Variants in EPB41L1 observed in about 807,000 individuals in gnomAD.
EPB41L1 encodes erythrocyte membrane protein band 4.1 like 1.
A neutral mutation model predicts 97.8 loss-of-function variants in EPB41L1; 29 were observed. The ratio of observed to expected loss-of-function variants is 0.30; its 90% CI spans 0.22 to 0.40. The LOEUF (loss-of-function observed/expected upper bound fraction) is 0.40. EPB41L1 is among the 10% of genes least tolerant of loss of function. EPB41L1 has a pLI of 1.00. For synonymous variants in EPB41L1, 383 were observed against 459.2 expected, an observed-to-expected ratio of 0.83 and a Z score of 2.12; for missense variants, 812 against 1,162.3, an observed-to-expected ratio of 0.70 and a Z score of 4.38.
intron 2 of EPB41L1, among the ~76,000 whole-genome samples, chr20:36,148,015 G>A (rs958046714): frequency 1.3e-5 from 2 of 152,102 alleles, no homozygotes; most frequent in Admixed American, 6.5e-5. Flanking sequence ...AAACATAGCC[G>A]AGGTGGAGAT....
In EPB41L1 at chr20:36,093,828, G is replaced by A. The variant is rs544360851; in HGVS notation, c.-65+2216G>A. Reference sequence around the variant, plus strand: ...GATTCATTTCCTGTTGTGGCCAGGGGACATGTCCCCTCCGGCCTCCCCCCA... The same window carrying A: ...GATTCATTTCCTGTTGTGGCCAGGGAACATGTCCCCTCCGGCCTCCCCCCA... On this transcript the variant is annotated intron_variant, in intron 1 of 19. Transcript: ENST00000202028. The surrounding 1 kb of genome is among the most constrained non-coding windows in gnomAD (Gnocchi z 5.4). Among the ~76,000 whole-genome samples, 1 of 152,124 alleles carries A rather than the reference G, an allele frequency of 6.6e-6. No individual in the cohort carries two copies. The highest frequency in any genetic ancestry group is 2.4e-5 in the African/African-American group (1 of 41,518).
chr20:36,221,969 C>T (rs779052658), intron 20 of EPB41L1, 25 bp downstream of exon 20: 1 of 1,610,708 alleles, frequency 6.2e-7, no homozygotes, highest in South Asian at 1.1e-5. Context: ...ACCGTTCTTC[C>T]CAGTGCCACT....
intron 1 of EPB41L1, among the ~76,000 whole-genome samples, chr20:36,159,647 T>A (rs1303796174): frequency 6.6e-6 from 1 of 152,206 alleles, no homozygotes; most frequent in African/African-American, 2.4e-5. Context: ...AGTGAACTAA[T>A]CAAGAGGGGA....
At position 36,209,399 on chromosome 20, in the gene EPB41L1, G is replaced by A; in HGVS notation, c.1669-89G>A. On this transcript the variant is annotated intron_variant, in intron 14 of 21. Transcript: ENST00000338074. The surrounding 1 kb of genome is among the most constrained non-coding windows in gnomAD (Gnocchi z 4.2). ...ATTCAGGATGTCGACACAGCCCCGA[G>A]ATTTCTCCTGACATTCACCATCTTG... The A allele has an allele frequency of 3.4e-6, 5 of 1,455,198 alleles. No individual in the cohort carries two copies. The highest frequency in any genetic ancestry group is 1.8e-4 in the Middle Eastern group (1 of 5,556). The allele number at this position is 1,455,198 out of a possible 1,614,324, so 90.1% of individuals were successfully genotyped here.
In EPB41L1 at chr20:36,207,906, T is replaced by A; in HGVS notation, c.1669-1582T>A. The A allele has an allele frequency of 9.4e-7, 1 of 1,066,258 alleles. No homozygotes were observed. The highest frequency in any genetic ancestry group is 1.6e-5 in the South Asian group (1 of 63,114). The allele number at this position is 1,066,258 out of a possible 1,614,324, so 66.0% of individuals were successfully genotyped here. ...GTCATTTCTGCAATCAGAGGCTGCT[T>A]ATCCATCCCTGTGAGTTTTTTCCCT... On this transcript the variant is annotated intron_variant, in intron 14 of 21. Transcript: ENST00000338074. This position sits in a 1 kb window ranked among gnomAD's most constrained non-coding sequence, Gnocchi z 4.9.
chr20:36,190,478 C>T lies in EPB41L1; in HGVS notation c.1124+104C>T. ...GAGAACTCTAGGAAAGTCCTCCACC[C>T]TTTCCCCAAGTCCCTCCCTTCCTGG... On this transcript the variant is annotated intron_variant, in intron 10 of 21. Coordinates refer to ENST00000338074, the MANE Select transcript of EPB41L1 (RefSeq NM_012156.2). The surrounding 1 kb of genome is among the most constrained non-coding windows in gnomAD (Gnocchi z 5.8). 4 of 1,525,966 alleles carry T rather than the reference C, an allele frequency of 2.6e-6. No individual in the cohort carries two copies. The highest frequency in any genetic ancestry group is 2.7e-6 in the Non-Finnish European group (3 of 1,113,344). The allele number at this position is 1,525,966 out of a possible 1,614,324, so 94.5% of individuals were successfully genotyped here.
Position 36,209,693 on chromosome 20 carries a change from T to G in EPB41L1, c.1874T>G (p.Ile625Ser). Residue 625 changes from isoleucine to serine, a missense_variant, in exon 15 of 22, where the codon ATT becomes AGT. By Grantham distance (142) the Ile-to-Ser change is moderately radical. Transcript: ENST00000338074. The surrounding 1 kb of genome is among the most constrained non-coding windows in gnomAD (Gnocchi z 4.2). ...GAGGCTGAGGTGGACTTCACGGTCA[T>G]TGGTGACTACCATGGCAGCGCCTTC... Reference protein sequence around the residue: ...SLEAEVDFTVIGDYHGSAFED... With the variant: ...SLEAEVDFTVSGDYHGSAFED... 6.2e-7 allele frequency: 1 copy of G among 1,614,180 alleles called. No homozygotes were observed. Among genetic ancestry groups the G allele is most frequent in the Non-Finnish European group, 8.5e-7 (1 of 1,180,022 alleles).
intron 2 of EPB41L1, among the ~76,000 whole-genome samples, chr20:36,139,243 G>A (rs1397660200): frequency 6.6e-6 from 1 of 152,178 alleles, no homozygotes; most frequent in Admixed American, 6.5e-5. Context: ...CAACAACAGA[G>A]GCAGAAAATT....
upstream of EPB41L1, chr20:36,152,266 G>A (rs2145442557): frequency 6.6e-6 from 1 of 152,344 alleles, no homozygotes; most frequent in South Asian, 2.1e-4. Context: ...CATTTTCTGT[G>A]TGGTCTCAAT....
At chr20:36,199,921 G>T (rs1224595701) in intron 14 of EPB41L1, among the ~76,000 whole-genome samples, 1 of 152,176 alleles carries the variant, frequency 6.6e-6, no homozygotes, top group East Asian at 1.9e-4. Flanking sequence ...TGCCCCACCT[G>T]CTGGTGATAG....
intron 17 of EPB41L1, among the ~76,000 whole-genome samples, chr20:36,216,137 T>C (rs1021211042): frequency 2.0e-5 from 3 of 152,080 alleles, no homozygotes; most frequent in Non-Finnish European, 4.4e-5. Flanking sequence ...CATGGGACAG[T>C]GTAATAATGC....
At chr20:36,105,158 A>G (rs898425961) in intron 1 of EPB41L1, among the ~76,000 whole-genome samples, 1 of 152,196 alleles carries the variant, frequency 6.6e-6, no homozygotes, top group Non-Finnish European at 1.5e-5. Flanking sequence ...CCAAGCAGCA[A>G]GAGACATGAC....
chr20:36,168,299 C>G lies in EPB41L1; in HGVS notation c.-14-5465C>G, dbSNP rs947129586. Among the ~76,000 whole-genome samples the G allele has an allele frequency of 2.6e-5, 4 of 152,256 alleles. 1 individual carries two copies. Among genetic ancestry groups the G allele is most frequent in the Non-Finnish European group, 5.9e-5 (4 of 68,048 alleles). Reference sequence around the variant, plus strand: ...GTACAGGCGCTGTCAGCATTTACTTCTCTGGCTGACCTTTCTCTTTTCTAA... The same window carrying G: ...GTACAGGCGCTGTCAGCATTTACTTGTCTGGCTGACCTTTCTCTTTTCTAA... On this transcript the variant is annotated intron_variant, in intron 1 of 21. Coordinates refer to ENST00000338074, the MANE Select transcript of EPB41L1 (RefSeq NM_012156.2).
At chr20:36,201,304 C>G (rs1569297743) in intron 14 of EPB41L1, among the ~76,000 whole-genome samples, 1 of 152,154 alleles carries the variant, frequency 6.6e-6, no homozygotes, top group Non-Finnish European at 1.5e-5. Context: ...CCTGGTGAGG[C>G]AGGTGACTCT....
At chr20:36,228,862 A>G (rs1162826393) in intron 21 of EPB41L1, among the ~76,000 whole-genome samples, 1 of 152,180 alleles carries the variant, frequency 6.6e-6, no homozygotes, top group African/African-American at 2.4e-5. Flanking sequence ...AGCTGACAAG[A>G]TAGGAAGAAA....
intron 1 of EPB41L1, among the ~76,000 whole-genome samples, chr20:36,160,507 C>T (rs1431587439): frequency 1.3e-5 from 2 of 151,910 alleles, no homozygotes; most frequent in African/African-American, 4.8e-5. Context: ...ATCTCTTGCA[C>T]CCGGAAGGCA....
chr20:36,101,404 T>C (rs1478499238), intron 1 of EPB41L1, among the ~76,000 whole-genome samples: 1 of 152,110 alleles, frequency 6.6e-6, no homozygotes, highest in South Asian at 2.1e-4. Context: ...AGTCAGCTTG[T>C]TGAGCCTCCA....
rs564311881 is a variant in EPB41L1, at chr20:36,158,111, A to G, written c.-15+3215A>G. Among the ~76,000 whole-genome samples, 138 of 152,268 alleles carry G rather than the reference A, an allele frequency of 9.1e-4. No homozygotes were observed. The South Asian group carries it at 0.014, about 16-fold the overall frequency. On this transcript the variant is annotated intron_variant, in intron 1 of 21. Transcript: ENST00000338074. ...AGATTGATGGAGCTGTGGCTTAGAT[A>G]GTTGTTCAAGGTCAAATAGCTAGGC...
chr20:36,145,253 T>C (rs1199981753), intron 2 of EPB41L1, among the ~76,000 whole-genome samples: 1 of 152,000 alleles, frequency 6.6e-6, no homozygotes, highest in East Asian at 1.9e-4. Flanking sequence ...TAGCCGGTTG[T>C]GGTGGTGGGT....
Sources: allele counts gnomAD v4.1 joint callset (sites outside exome capture counted in the v4.1 genomes callset), GRCh38; gene constraint gnomAD v4.1.1; non-coding constraint Gnocchi (gnomAD v3.1); transcripts MANE v1.5; gene names NCBI Gene and HGNC (gene_info 2026-07-23, HGNC 2026-07-21).